EYA4: variants seen among roughly 807,000 people sequenced by gnomAD.
The protein encoded by EYA4 is protein phosphatase EYA4.
Under a neutral mutation model 87.9 loss-of-function variants are expected in EYA4, and 31 were observed. The ratio of observed to expected loss-of-function variants is 0.35; its 90% CI spans 0.27 to 0.48. EYA4 has a LOEUF of 0.48. Ranked by LOEUF, EYA4 falls within the 20% of genes least tolerant of loss-of-function variation. The pLI, the probability that EYA4 is intolerant of heterozygous loss-of-function variation, is 0.99. For missense variants in EYA4, 678 were observed against 761.4 expected (o/e 0.89, Z 1.29); for synonymous variants, 263 against 270.6 (o/e 0.97, Z 0.28).
chr6:133,411,203 T>C (rs763685716), intron 3 of EYA4, among the ~76,000 whole-genome samples: 1 of 152,226 alleles, frequency 6.6e-6, no homozygotes, highest in Non-Finnish European at 1.5e-5. Flanking sequence ...CGGTGGTTTT[T>C]GAACATACAC....
rs727504840 is a variant in EYA4, at chr6:133,448,139, A to G, written c.237A>G (p.Ala79=). The part of the protein sequence containing the change: ...GGENMTVLNT[A]DWLLSCNTPS... ...AAAACATGACTGTTTTAAACACAGC[A>G]GACTGGTTGCTGAGTTGCAACACCC... The change falls in exon 5 of 20, where the codon GCA becomes GCG. Residue 79 remains alanine, a synonymous_variant. Coordinates refer to ENST00000355286, the MANE Select transcript of EYA4 (RefSeq NM_004100.5). 2 of 1,613,894 alleles carry G rather than the reference A, an allele frequency of 1.2e-6. No homozygotes were observed. Among genetic ancestry groups the G allele is most frequent in the Admixed American group, 3.3e-5 (2 of 60,022 alleles).
chr6:133,344,989 A>G (rs1433023633), intron 2 of EYA4, among the ~76,000 whole-genome samples: 2 of 152,122 alleles, frequency 1.3e-5, no homozygotes, highest in Admixed American at 6.5e-5. Flanking sequence ...GATGCCTTCC[A>G]TTTTAGAAAG....
At position 133,525,145 on chromosome 6, in the gene EYA4, A is replaced by G. The variant is rs754524311; in HGVS notation, c.1739-9A>G. 12 of 1,613,562 alleles carry G rather than the reference A, an allele frequency of 7.4e-6. No individual in the cohort carries two copies. The highest frequency in any genetic ancestry group is 6.7e-5 in the African/African-American group (5 of 74,902). ...CTTCACTCTGAACTTTATCTCATTTATCTTCCAGGAAAAGAAAGTTGCTTT... is the reference window on the plus strand; with the variant it reads ...CTTCACTCTGAACTTTATCTCATTTGTCTTCCAGGAAAAGAAAGTTGCTTT... On this transcript the variant is annotated splice_polypyrimidine_tract_variant and intron_variant, in intron 18 of 19. Transcript: ENST00000355286.
Position 133,481,574 on chromosome 6 carries a change from C to T in EYA4, c.1082C>T (p.Ser361Phe), listed in dbSNP as rs750925470. 2.5e-6 allele frequency: 4 copies of T among 1,614,014 alleles called. No individual in the cohort carries two copies. The highest frequency in any genetic ancestry group is 3.4e-6 in the Non-Finnish European group (4 of 1,179,932). The change falls in exon 12 of 20, where the codon TCC becomes TTC. Residue 361 changes from serine (S) to phenylalanine (F), a missense_variant. By Grantham distance (155) the Ser-to-Phe change is radical. Transcript: ENST00000355286. ...SRGRGRKNNP[S>F]PPPDSDLERV... ...GGAAGAGGCCGGAAAAATAATCCCT[C>T]CCCGCCTCCTGATAGTGACCTGGAG...
At position 133,529,150 on chromosome 6, in the gene EYA4, G is replaced by A; in HGVS notation, c.*345G>A. The stretch of plus-strand genomic sequence containing the variant: ...ACACACATGCTCCGTCTGACAAGGT[G>A]GTCAACAACATTCCTCAAAATGGGA... On this transcript the variant is annotated 3_prime_UTR_variant, in exon 20 of 20. Coordinates refer to ENST00000355286, the MANE Select transcript of EYA4 (RefSeq NM_004100.5). 8.5e-7 allele frequency: 1 copy of A among 1,175,850 alleles called. No individual in the cohort carries two copies. Among genetic ancestry groups the A allele is most frequent in the Non-Finnish European group, 1.1e-6 (1 of 938,024 alleles). The allele number at this position is 1,175,850 out of a possible 1,614,324, so 72.8% of individuals were successfully genotyped here.
intron 2 of EYA4, among the ~76,000 whole-genome samples, chr6:133,346,701 C>T (rs759451385): frequency 2.6e-5 from 4 of 151,538 alleles, no homozygotes; most frequent in Non-Finnish European, 3.0e-5. Context: ...CAGGTATGCT[C>T]ATTTTCCTGT....
At chr6:133,246,265 G>A (rs1252574494) in intron 1 of EYA4, among the ~76,000 whole-genome samples, 1 of 152,112 alleles carries the variant, frequency 6.6e-6, no homozygotes, top group East Asian at 1.9e-4. Flanking sequence ...GTGCATGGAT[G>A]ATGAAGAAAG....
chr6:133,297,083 A>G lies in EYA4; in HGVS notation c.33+22270A>G, dbSNP rs534927362. 1.1e-4 allele frequency among the ~76,000 whole-genome samples: 16 copies of G among 152,300 alleles called. No homozygotes were observed. The South Asian group carries it at 3.1e-3, about 30-fold the overall frequency. On this transcript the variant is annotated intron_variant, in intron 2 of 19. Transcript: ENST00000355286. ...TGCATTAATTCTTCCTGGTGAATTA[A>G]ATTTTCCTCAATATGTAATGCTCTT...
intron 2 of EYA4, among the ~76,000 whole-genome samples, chr6:133,287,048 G>T (rs12196330): frequency 2.0e-5 from 3 of 151,512 alleles, no homozygotes; most frequent in South Asian, 2.1e-4. Context: ...TGTGTGTGTC[G>T]GGGGGACCAC....
At chr6:133,429,633 A>G (rs1343395118) in intron 3 of EYA4, among the ~76,000 whole-genome samples, 2 of 152,144 alleles carry the variant, frequency 1.3e-5, no homozygotes, top group East Asian at 3.9e-4. Context: ...AATGAGAATC[A>G]GGGGTTTCTT....
Position 133,395,622 on chromosome 6 carries a change from G to A in EYA4, c.83+13181G>A, listed in dbSNP as rs369626602. Among the ~76,000 whole-genome samples, 906 of 152,180 alleles carry A rather than the reference G, an allele frequency of 6.0e-3. 7 individuals are homozygous for A. Among genetic ancestry groups the A allele is most frequent in the African/African-American group, 0.021 (874 of 41,538 alleles). On this transcript the variant is annotated intron_variant, in intron 3 of 19. Coordinates refer to ENST00000355286, the MANE Select transcript of EYA4 (RefSeq NM_004100.5). The stretch of plus-strand genomic sequence containing the variant: ...TAAAAATACAAAAAATTAGCCAGGC[G>A]TGGTGTTGCGTGCCTGTAGTCCCTG...
chr6:133,444,329 T>C (rs1792590593), intron 3 of EYA4, among the ~76,000 whole-genome samples: 1 of 152,192 alleles, frequency 6.6e-6, no homozygotes, highest in Admixed American at 6.5e-5. Context: ...TTGTGTGATG[T>C]AATATTAGCT....
chr6:133,515,144 A>C (rs1799477984), intron 16 of EYA4, among the ~76,000 whole-genome samples, 177 bp from the exon 17 acceptor site: 1 of 152,248 alleles, frequency 6.6e-6, no homozygotes, highest in Non-Finnish European at 1.5e-5. Context: ...CATTGACGGA[A>C]TCAATGGATA....
intron 2 of EYA4, among the ~76,000 whole-genome samples, chr6:133,329,841 A>G (rs1781784719): frequency 6.6e-6 from 1 of 152,108 alleles, no homozygotes; most frequent in South Asian, 2.1e-4. Flanking sequence ...AGAATTATTT[A>G]TAGACGTGAA....
chr6:133,434,762 T>C (rs929898035), intron 3 of EYA4, among the ~76,000 whole-genome samples: 1 of 152,230 alleles, frequency 6.6e-6, no homozygotes. Context: ...TAGTACAACA[T>C]TGGGAAACCT....
At chr6:133,294,893 T>C (rs1778836482) in intron 2 of EYA4, among the ~76,000 whole-genome samples, 1 of 152,152 alleles carries the variant, frequency 6.6e-6, no homozygotes, top group Non-Finnish European at 1.5e-5. Flanking sequence ...TTTCTTCTTA[T>C]TGAAACGTAG....
chr6:133,252,351 A>G (rs1377048528), intron 1 of EYA4, among the ~76,000 whole-genome samples: 3 of 152,232 alleles, frequency 2.0e-5, no homozygotes, highest in African/African-American at 7.2e-5. Context: ...TTCAGTTGTA[A>G]CCACAAGTTC....
chr6:133,473,527 AATG>A (rs1795459599), intron 11 of EYA4, among the ~76,000 whole-genome samples: 1 of 152,112 alleles, frequency 6.6e-6, no homozygotes, highest in South Asian at 2.1e-4. Flanking sequence ...GAATTGATGA[AATG>A]ATAACATTCA....
intron 1 of EYA4, among the ~76,000 whole-genome samples, chr6:133,257,551 A>G (rs1219739191): frequency 1.3e-5 from 2 of 152,208 alleles, no homozygotes; most frequent in African/African-American, 2.4e-5. Flanking sequence ...GTATTATACA[A>G]ACTACCACAG....
Sources: allele counts gnomAD v4.1 joint callset (sites outside exome capture counted in the v4.1 genomes callset), GRCh38; gene constraint gnomAD v4.1.1; transcripts MANE v1.5; gene names NCBI Gene and HGNC (gene_info 2026-07-23, HGNC 2026-07-21).